ADGRD1: variants seen among roughly 807,000 people sequenced by gnomAD.
The protein encoded by ADGRD1 is adhesion G protein-coupled receptor D1, also known as G-protein coupled receptor 133.
Under a neutral mutation model 113.4 loss-of-function variants are expected in ADGRD1, and 77 were observed. The observed-to-expected ratio is 0.68, with a 90% CI of 0.57 to 0.82. ADGRD1 has a LOEUF of 0.82. Among genes scored for constraint, ADGRD1 ranks in the 40% least tolerant of loss-of-function variants. ADGRD1 has a pLI of 0.00. For synonymous variants in ADGRD1, 474 were observed against 475.0 expected, an observed-to-expected ratio of 1.00 and a Z score of 0.03; for missense variants, 1,036 against 1,139.1, an observed-to-expected ratio of 0.91 and a Z score of 1.30.
At chr12:130,979,099 C>T (rs1872661836) in intron 4 of ADGRD1, among the ~76,000 whole-genome samples, 2 of 151,638 alleles carry the variant, frequency 1.3e-5, no homozygotes, top group East Asian at 1.9e-4. Flanking sequence ...TCTGGGGACA[C>T]CAGCGTCAGC....
At chr12:131,099,330 C>T (rs994102607) in intron 15 of ADGRD1, among the ~76,000 whole-genome samples, 2 of 152,220 alleles carry the variant, frequency 1.3e-5, no homozygotes, top group Non-Finnish European at 2.9e-5. Context: ...TTTCCTAAGG[C>T]TGTGTGCAGG....
intron 6 of ADGRD1, 179 bp downstream of exon 6, chr12:130,987,528 A>G: frequency 1.6e-6 from 1 of 640,048 alleles, no homozygotes; most frequent in Non-Finnish European, 2.7e-6. Context: ...GAGATAGAGG[A>G]GTTAATAATT....
At chr12:131,120,632 T>G (rs1950570851) in intron 19 of ADGRD1, 2 of 628,122 alleles carry the variant, frequency 3.2e-6, no homozygotes, top group African/African-American at 3.6e-5. Flanking sequence ...CAGAGGTTGC[T>G]GTCCTGGTCT....
At chr12:131,082,782 C>T (rs1324193449) in intron 14 of ADGRD1, among the ~76,000 whole-genome samples, 1 of 152,156 alleles carries the variant, frequency 6.6e-6, no homozygotes, top group South Asian at 2.1e-4. Flanking sequence ...GGGTTTTGCT[C>T]CTCTCAGTTG....
Position 131,056,335 on chromosome 12 carries a change from G to A in ADGRD1, c.1474-20466G>A, listed in dbSNP as rs188113323. 7.2e-5 allele frequency among the ~76,000 whole-genome samples: 11 copies of A among 152,316 alleles called. No homozygotes were observed. The East Asian group carries it at 1.5e-3, about 21-fold the overall frequency. On this transcript the variant is annotated intron_variant, in intron 13 of 24. Coordinates refer to ENST00000261654, the MANE Select transcript of ADGRD1 (RefSeq NM_198827.5). ...CGGCATTGGAAACAGGAACCAGTGA[G>A]AATGATCAATGCAAGGACCACTGCC... is the stretch of plus-strand genomic sequence containing the variant.
intron 13 of ADGRD1, among the ~76,000 whole-genome samples, chr12:131,021,452 G>A (rs975716204): frequency 2.6e-5 from 4 of 152,142 alleles, no homozygotes; most frequent in South Asian, 2.1e-4. Context: ...TGATTAGGCC[G>A]ATGCTGTGCG....
intron 20 of ADGRD1, among the ~76,000 whole-genome samples, chr12:131,129,498 G>C (rs1446050803): frequency 4.7e-5 from 7 of 149,496 alleles, no homozygotes; most frequent in African/African-American, 1.7e-4. Context: ...CCTGCTGTCT[G>C]GGTGTGAGTG....
chr12:131,023,711 C>T (rs1279648202), intron 13 of ADGRD1: 2 of 152,176 alleles, frequency 1.3e-5, no homozygotes, highest in Non-Finnish European at 1.5e-5. Flanking sequence ...TACTCATGGG[C>T]ATTTAAGTTG....
At chr12:131,093,790 G>GT (rs760949261) in intron 15 of ADGRD1, among the ~76,000 whole-genome samples, 1 of 152,240 alleles carries the variant, frequency 6.6e-6, no homozygotes, top group Admixed American at 6.5e-5. Context: ...GGACACACAG[G>GT]TCCCTCCCAG....
At chr12:131,018,723 T>C (rs1431640685) in intron 13 of ADGRD1, among the ~76,000 whole-genome samples, 2 of 152,352 alleles carry the variant, frequency 1.3e-5, no homozygotes, top group Admixed American at 6.5e-5. Context: ...TAACGCTGTT[T>C]AGTGGCACCC....
Position 131,136,157 on chromosome 12 carries a change from C to G in ADGRD1, c.2388C>G (p.Ser796=). Residue 796 remains serine, a synonymous_variant, in exon 22 of 25, where the codon TCC becomes TCG. Transcript: ENST00000261654. ...AGTACATGTTTGCCACGCTCAACTC[C>G]CTGCAGGTGAGAGCCGCGGGGACTG... ...VFQYMFATLN[S]LQGLFIFLFH... 6.2e-7 allele frequency: 1 copy of G among 1,614,090 alleles called. No individual in the cohort carries two copies. Among genetic ancestry groups the G allele is most frequent in the Middle Eastern group, 1.6e-4 (1 of 6,062 alleles).
chr12:131,026,016 A>G (rs1304287410), intron 13 of ADGRD1: 1 of 152,154 alleles, frequency 6.6e-6, no homozygotes, highest in Non-Finnish European at 1.5e-5. Context: ...GGGACACGTG[A>G]CTGTGTCACT....
chr12:131,086,609 T>C (rs960711377), intron 15 of ADGRD1, among the ~76,000 whole-genome samples: 1 of 152,212 alleles, frequency 6.6e-6, no homozygotes, highest in Admixed American at 6.5e-5. Flanking sequence ...GATAACCTCA[T>C]CTTTAAATTC....
intron 5 of ADGRD1, among the ~76,000 whole-genome samples, chr12:130,985,558 T>TG (rs375739818): frequency 1.9e-5 from 1 of 51,576 alleles, no homozygotes; most frequent in South Asian, 1.2e-3. Context: ...ATTTTTTTTT[T>TG]GTTTTTTTTG....
At position 131,084,130 on chromosome 12, in the gene ADGRD1, C is replaced by T. The variant is rs2293654; in HGVS notation, c.1548-410C>T. Among the ~76,000 whole-genome samples the T allele has an allele frequency of 0.24, 36,750 of 152,214 alleles. 5,267 individuals carry two copies. The highest frequency in any genetic ancestry group is 0.44 in the South Asian group (2,133 of 4,826). Reference sequence around the variant, plus strand: ...TTCCCCCGATGGGCATTTATGTTACCGTCACTCATGATTCAGTGACTGGGC... The same window carrying T: ...TTCCCCCGATGGGCATTTATGTTACTGTCACTCATGATTCAGTGACTGGGC... On this transcript the variant is annotated intron_variant, in intron 14 of 24. Transcript: ENST00000261654. The surrounding 1 kb of genome is among the most constrained non-coding windows in gnomAD (Gnocchi z 4.5).
chr12:131,104,803 G>A, intron 15 of ADGRD1, 28 bp from the exon 16 acceptor site: 2 of 1,514,000 alleles, frequency 1.3e-6, no homozygotes, highest in South Asian at 1.2e-5. Flanking sequence ...TGGGCCTGCT[G>A]CTGACGCCTC....
chr12:131,102,935 T>C (rs1225061278), intron 15 of ADGRD1, among the ~76,000 whole-genome samples: 1 of 152,182 alleles, frequency 6.6e-6, no homozygotes, highest in Admixed American at 6.5e-5. Context: ...GGGGGCCCCA[T>C]TTCTTCAAAG....
intron 13 of ADGRD1, among the ~76,000 whole-genome samples, chr12:131,051,489 T>TG (rs56102147): frequency 5.0e-5 from 7 of 139,474 alleles, no homozygotes; most frequent in Non-Finnish European, 1.1e-4. Flanking sequence ...TTCTTTTCTT[T>TG]TTTTTTTTTT....
intron 13 of ADGRD1, among the ~76,000 whole-genome samples, chr12:131,015,339 C>G (rs1042750567): frequency 7.4e-6 from 1 of 134,654 alleles, no homozygotes; most frequent in African/African-American, 2.8e-5. Flanking sequence ...GATGGAGGTG[C>G]GGATGGAGAT....
Sources: allele counts gnomAD v4.1 joint callset (sites outside exome capture counted in the v4.1 genomes callset), GRCh38; gene constraint gnomAD v4.1.1; non-coding constraint Gnocchi (gnomAD v3.1); transcripts MANE v1.5; gene names NCBI Gene and HGNC (gene_info 2026-07-23, HGNC 2026-07-21).